Variants in STAG2 observed in about 807,000 individuals in gnomAD.
STAG2 encodes the protein cohesin subunit SA-2.
In STAG2, 14 loss-of-function variants were observed where a neutral mutation model predicts 108.1. The observed-to-expected ratio is 0.13, with a 90% CI of 0.09 to 0.20. The LOEUF (loss-of-function observed/expected upper bound fraction) is 0.20, where lower values mean the gene tolerates loss of function less well. Among genes scored for constraint, STAG2 ranks in the 10% least tolerant of loss-of-function variants. The probability of loss-of-function intolerance (pLI) is 1.00; values close to 1 mark genes in which losing one functional copy is unlikely to be tolerated. For synonymous variants in STAG2, 307 were observed against 302.7 expected, an observed-to-expected ratio of 1.01 and a Z score of -0.15; for missense variants, 440 against 940.9, an observed-to-expected ratio of 0.47 and a Z score of 6.96.
intron 30 of STAG2, among the ~76,000 whole-genome samples, chrX:124,089,057 A>T (rs1306665921): frequency 9.2e-6 from 1 of 108,277 alleles, no homozygotes; most frequent in Admixed American, 9.9e-5. Flanking sequence ...CTGGGATTAC[A>T]AGCGCCCGCC....
At chrX:123,967,868 A>G (rs1181134881) in intron 1 of STAG2, among the ~76,000 whole-genome samples, 2 of 110,422 alleles carry the variant, frequency 1.8e-5, no homozygotes, top group African/African-American at 3.3e-5. Flanking sequence ...GTACACCTCT[A>G]TAGGGCAGCT....
At chrX:123,982,024 TCTG>T (rs2054901056) in intron 1 of STAG2, among the ~76,000 whole-genome samples, 1 of 111,163 alleles carries the variant, frequency 9.0e-6, no homozygotes, top group Admixed American at 9.6e-5. Context: ...GGAAATGTCT[TCTG>T]CTGCTTTTCT....
In STAG2 at chrX:124,058,285, G is replaced by A. The variant is rs1234706109; in HGVS notation, c.1416+308G>A. ...CAGTTCTCCTGCCTCAGCCTCCCGA[G>A]TAGCTGGGCTTCCAGGCGTGTGCCA... On this transcript the variant is annotated intron_variant, in intron 15 of 34. Transcript: ENST00000371145. 1.3e-4 allele frequency among the ~76,000 whole-genome samples: 14 copies of A among 108,993 alleles called. No individual in the cohort carries two copies. In the East Asian group the frequency reaches 2.0e-3, roughly 16 times the overall value. 94.6% of individuals were successfully genotyped at this position (108,993 alleles called of 115,157 possible).
rs201151677 is a variant in STAG2 at position 124,023,424 on chromosome X, CATTT to C, written c.44+755_44+758del. Among the ~76,000 whole-genome samples the C allele has an allele frequency of 7.3e-3, 807 of 111,141 alleles. 7 individuals are homozygous for C. The highest frequency in any genetic ancestry group is 0.025 in the African/African-American group (758 of 30,614). On this transcript the variant is annotated intron_variant, in intron 3 of 34. Transcript: ENST00000371145. ...TACCTTTGTACATAATGGCAGCCAGCATTTACTTTTGATCATATGTAGATTTTCA... is the reference window on the plus strand; with the variant it reads ...TACCTTTGTACATAATGGCAGCCAGCACTTTTGATCATATGTAGATTTTCA...
intron 1 of STAG2, among the ~76,000 whole-genome samples, chrX:123,971,137 AC>A (rs1179504331): frequency 4.2e-4 from 47 of 112,085 alleles, no homozygotes; most frequent in East Asian, 2.8e-4. Context: ...GGGATTTAAA[AC>A]CTCTGTAGAG....
At chrX:123,994,666 G>A (rs1261325670) in intron 1 of STAG2, among the ~76,000 whole-genome samples, 3 of 111,965 alleles carry the variant, frequency 2.7e-5, no homozygotes, top group Admixed American at 1.9e-4. Flanking sequence ...AAGACCTTAT[G>A]TTTGAAATTG....
At chrX:124,015,668 C>T (rs1361646758) in intron 1 of STAG2, among the ~76,000 whole-genome samples, 6 of 111,954 alleles carry the variant, frequency 5.4e-5, no homozygotes, top group Non-Finnish European at 1.1e-4. Flanking sequence ...CCACCACACC[C>T]GGCCGAATTC....
chrX:124,058,099 A>C (rs773031478), intron 15 of STAG2, 122 bp downstream of exon 15: 1 of 300,529 alleles, frequency 3.3e-6, no homozygotes, highest in Non-Finnish European at 5.7e-6. Context: ...ATGGAGAGCC[A>C]CCCACTCCCC....
At chrX:124,063,043 C>T (rs1469797857) in intron 18 of STAG2, 49 bp downstream of exon 18, 3 of 1,156,789 alleles carry the variant, frequency 2.6e-6, no homozygotes, top group East Asian at 3.0e-5. Context: ...AGTTTTTTTT[C>T]CCTAAATGCC....
intron 30 of STAG2, among the ~76,000 whole-genome samples, chrX:124,089,645 A>G (rs759172280): frequency 1.6e-4 from 18 of 111,264 alleles, no homozygotes; most frequent in Non-Finnish European, 2.6e-4. Flanking sequence ...ACATTGACTA[A>G]AACATGTAAC....
rs768977301 is a variant in STAG2, at chrX:124,063,212, T to C, written c.1821+7T>C. 2.2e-5 allele frequency: 25 copies of C among 1,143,331 alleles called. No homozygotes were observed. Among genetic ancestry groups the C allele is most frequent in the Middle Eastern group, 3.2e-4 (1 of 3,115 alleles). The allele number at this position is 1,143,331 out of a possible 1,213,427, so 94.2% of individuals were successfully genotyped here. On this transcript the variant is annotated splice_region_variant and intron_variant, in intron 19 of 34. Coordinates refer to ENST00000371145, the MANE Select transcript of STAG2 (RefSeq NM_001042750.2). ...CACTGGACGATTAGAAAAGGTAAGATTATTTTGTGTAAAAAAAACCTTTAA... is the reference window on the plus strand; with the variant it reads ...CACTGGACGATTAGAAAAGGTAAGACTATTTTGTGTAAAAAAAACCTTTAA...
intron 6 of STAG2, among the ~76,000 whole-genome samples, chrX:124,038,425 A>G (rs2057588054): frequency 1.8e-5 from 2 of 109,353 alleles, no homozygotes; most frequent in East Asian, 2.8e-4. Flanking sequence ...TTTTTTTTTA[A>G]TGAAAGTGGC....
chrX:124,049,575 G>A (rs1475861983), intron 10 of STAG2, among the ~76,000 whole-genome samples: 1 of 111,732 alleles, frequency 8.9e-6, no homozygotes, highest in Non-Finnish European at 1.9e-5. Context: ...CCTCAACTTG[G>A]CAGTTACTGA....
rs1016310912 is a variant in STAG2, at chrX:124,098,824, A to G, written c.3784-1750A>G. Among the ~76,000 whole-genome samples, 4 of 111,876 alleles carry G rather than the reference A, an allele frequency of 3.6e-5. No homozygotes were observed. The Admixed American group carries it at 3.8e-4, about 11-fold the overall frequency. On this transcript the variant is annotated intron_variant, in intron 34 of 34. Coordinates refer to ENST00000371145, the MANE Select transcript of STAG2 (RefSeq NM_001042750.2). ...TCACATTATCCAGGAGTGGTAATAT[A>G]AAAACTCTGAACATATTTTGTGTTG...
At chrX:124,057,786 GA>G (rs1346321144) in intron 14 of STAG2, 79 bp from the exon 15 acceptor site, 10 of 605,063 alleles carry the variant, frequency 1.7e-5, no homozygotes, top group Non-Finnish European at 2.4e-5. Flanking sequence ...CCTTAGATAT[GA>G]AATTGAAACA....
At chrX:124,006,729 G>A (rs979644175) in intron 1 of STAG2, among the ~76,000 whole-genome samples, 2 of 110,926 alleles carry the variant, frequency 1.8e-5, no homozygotes, top group Non-Finnish European at 3.8e-5. Flanking sequence ...GTGAGCCACC[G>A]TGCCCGGGCT....
intron 30 of STAG2, among the ~76,000 whole-genome samples, 182 bp from the exon 31 acceptor site, chrX:124,090,393 T>G (rs2059228514): frequency 9.1e-6 from 1 of 109,839 alleles, no homozygotes; most frequent in Admixed American, 9.8e-5. Context: ...TGCCTGGTTG[T>G]TTTGTGTCGC....
At chrX:124,006,595 C>T (rs1051522869) in intron 1 of STAG2, among the ~76,000 whole-genome samples, 7 of 109,734 alleles carry the variant, frequency 6.4e-5, no homozygotes, top group African/African-American at 2.3e-4. Flanking sequence ...CCCACCACCA[C>T]GCCCGGCTAA....
intron 1 of STAG2, among the ~76,000 whole-genome samples, chrX:123,987,151 C>T (rs2055230326): frequency 9.1e-6 from 1 of 109,625 alleles, no homozygotes; most frequent in Non-Finnish European, 1.9e-5. Flanking sequence ...CGCCACCATG[C>T]CCAGCTAATT....
Sources: allele counts gnomAD v4.1 joint callset (sites outside exome capture counted in the v4.1 genomes callset), GRCh38; gene constraint gnomAD v4.1.1; transcripts MANE v1.5; gene names NCBI Gene and HGNC (gene_info 2026-07-23, HGNC 2026-07-21).